The following ABCC5 variants were observed in gnomAD, a reference collection of about 807,000 sequenced individuals.
The protein encoded by ABCC5 is ATP-binding cassette sub-family C member 5.
A neutral mutation model predicts 160.9 loss-of-function variants in ABCC5; 61 were observed. The ratio of observed to expected loss-of-function variants is 0.38; its 90% confidence interval spans 0.31 to 0.47. The LOEUF (loss-of-function observed/expected upper bound fraction) is 0.47. ABCC5 is among the 20% of genes least tolerant of loss of function. The probability of loss-of-function intolerance (pLI) is 0.99; values close to 1 mark genes in which losing one functional copy is unlikely to be tolerated. For synonymous variants in ABCC5, 666 were observed against 700.6 expected (o/e 0.95, Z 0.78); for missense variants, 1,308 against 1,813.3 (o/e 0.72, Z 5.06).
chr3:184,004,808 G>A (rs530215473), intron 2 of ABCC5, among the ~76,000 whole-genome samples: 1 of 152,286 alleles, frequency 6.6e-6, no homozygotes, highest in African/African-American at 2.4e-5. Context: ...AAGTTAACAG[G>A]ATTCTTAAAA....
chr3:183,968,461 G>A (rs954436473), intron 11 of ABCC5, among the ~76,000 whole-genome samples: 2 of 151,992 alleles, frequency 1.3e-5, no homozygotes, highest in Non-Finnish European at 2.9e-5. Context: ...GAGAGGGCAG[G>A]ACTCTTAAAA....
intron 29 of ABCC5, among the ~76,000 whole-genome samples, chr3:183,922,549 G>A (rs1284620026): frequency 6.6e-6 from 1 of 152,212 alleles, no homozygotes; most frequent in Non-Finnish European, 1.5e-5. Flanking sequence ...GAAAAAGGAA[G>A]TCAGGGAGTG....
intron 12 of ABCC5, chr3:183,967,486 T>C: frequency 3.7e-6 from 2 of 542,762 alleles, no homozygotes; most frequent in Non-Finnish European, 6.7e-6. Flanking sequence ...CAGTCAGTCA[T>C]CCATCAGGCG....
At chr3:184,011,976 TCACA>T (rs1721782612) in intron 2 of ABCC5, among the ~76,000 whole-genome samples, 1 of 149,328 alleles carries the variant, frequency 6.7e-6, no homozygotes, top group Admixed American at 6.8e-5. Context: ...GTGGAAGCGG[TCACA>T]CAAATTTACA....
chr3:183,963,755 C>T lies in ABCC5; in HGVS notation c.2032-167G>A, dbSNP rs181254967. Among the ~76,000 whole-genome samples the T allele has an allele frequency of 3.6e-3, 546 of 152,036 alleles. 1 individual carries two copies. The highest frequency in any genetic ancestry group is 5.1e-3 in the Non-Finnish European group (350 of 68,028). Reference sequence around the variant, plus strand: ...CCGCAGATGAACTGCCATGCTGATCCTTCAACGAAGTGGGGGAGTTGGCCC... The same window carrying T: ...CCGCAGATGAACTGCCATGCTGATCTTTCAACGAAGTGGGGGAGTTGGCCC... On this transcript the variant is annotated intron_variant, in intron 14 of 29. Transcript: ENST00000334444. The surrounding 1 kb of genome is among the most constrained non-coding windows in gnomAD (Gnocchi z 4.6).
At chr3:183,934,455 C>A (rs73046522) in intron 26 of ABCC5, among the ~76,000 whole-genome samples, 174 of 152,332 alleles carry the variant, frequency 1.1e-3, no homozygotes, top group African/African-American at 4.0e-3. Context: ...AAAAATTTAA[C>A]TGAAATGATT....
intron 10 of ABCC5, among the ~76,000 whole-genome samples, chr3:183,974,122 C>T (rs905055856): frequency 2.0e-5 from 3 of 152,146 alleles, no homozygotes; most frequent in Non-Finnish European, 4.4e-5. Flanking sequence ...TTAGATATAA[C>T]ATAAACCTAT....
intron 29 of ABCC5, among the ~76,000 whole-genome samples, chr3:183,923,262 A>AT (rs1712183995): frequency 6.6e-6 from 1 of 152,098 alleles, no homozygotes; most frequent in South Asian, 2.1e-4. Flanking sequence ...TAAAGAGTGA[A>AT]TGGGCTCCCC....
intron 17 of ABCC5, among the ~76,000 whole-genome samples, chr3:183,958,459 T>C (rs1716428178): frequency 6.6e-6 from 1 of 152,204 alleles, no homozygotes; most frequent in South Asian, 2.1e-4. Context: ...CTGCCCGTGG[T>C]AAGAACTAAC....
intron 10 of ABCC5, 101 bp from the exon 11 acceptor site, chr3:183,972,020 T>C (rs1295753044): frequency 1.9e-6 from 3 of 1,591,366 alleles, no homozygotes; most frequent in Admixed American, 1.7e-5. Context: ...CATCAGGCTA[T>C]ACAGTGGAAG....
At chr3:183,930,381 G>A (rs577347348) in intron 26 of ABCC5, among the ~76,000 whole-genome samples, 15 of 152,320 alleles carry the variant, frequency 9.8e-5, no homozygotes, top group Middle Eastern at 3.4e-3. Context: ...GAACATGCTC[G>A]CTTCTCACTA....
At chr3:183,981,700 A>G (rs748247335) in intron 8 of ABCC5, 27 bp downstream of exon 8, 20 of 1,607,230 alleles carry the variant, frequency 1.2e-5, no homozygotes, top group Non-Finnish European at 1.7e-5. Context: ...CTTCTACCAC[A>G]TGCACATACA....
Position 183,988,580 on chromosome 3 carries a change from G to A in ABCC5, c.435C>T (p.Asn145=), listed in dbSNP as rs28365004. 2.2e-3 allele frequency: 3,472 copies of A among 1,613,456 alleles called. 12 individuals carry two copies. Among genetic ancestry groups the A allele is most frequent in the Non-Finnish European group, 2.8e-3 (3,280 of 1,179,806 alleles). The change falls in exon 4 of 30, where the codon AAC becomes AAT. Residue 145 remains asparagine, a synonymous_variant. Transcript: ENST00000334444. This position sits in a 1 kb window ranked among gnomAD's most constrained non-coding sequence, Gnocchi z 4.4. ...GGACCAGAGGCGCCTACCTTCTGCA[G>A]TTCACGTCAGAAGACTCGTGCTTGG... is the stretch of plus-strand genomic sequence containing the variant. The part of the protein sequence containing the change: ...SLSKHESSDV[N]CRRLERLWQE...
rs759170750 is a variant in ABCC5, at chr3:183,982,784, G to A, written c.815C>T (p.Ser272Phe). 1 of 1,614,150 alleles carries A rather than the reference G, an allele frequency of 6.2e-7. No homozygotes were observed. The highest frequency in any genetic ancestry group is 1.3e-5 in the African/African-American group (1 of 75,044). Residue 272 changes from serine (S) to phenylalanine (F), a missense_variant, in exon 6 of 30, where the codon TCC becomes TTC. Physicochemically the swap from Ser to Phe is radical, Grantham distance 155. Around this residue, in one of 3 missense-constraint regions of ABCC5, gnomAD observed 1,142 missense variants for 1,527.1 expected, o/e 0.75. Coordinates refer to ENST00000334444, the MANE Select transcript of ABCC5 (RefSeq NM_005688.4). The surrounding 1 kb of genome is among the most constrained non-coding windows in gnomAD (Gnocchi z 5.2). Reference sequence around the variant, plus strand: ...ACACCCCTCACTCACCTCACCCAGGGATTTCTCTTTAATGTTCTTTAACTT... The same window carrying A: ...ACACCCCTCACTCACCTCACCCAGGAATTTCTCTTTAATGTTCTTTAACTT... ...ILKLKNIKEK[S>F]LGELINICSN...
intron 3 of ABCC5, 67 bp downstream of exon 3, chr3:183,989,159 A>G: frequency 4.2e-5 from 2 of 48,044 alleles, no homozygotes; most frequent in South Asian, 5.0e-4. Context: ...CTCCATCTCA[A>G]AAAAAAAAAA....
At position 184,001,354 on chromosome 3, in the gene ABCC5, T is replaced by C. The variant is rs547016465; in HGVS notation, c.130-11971A>G. On this transcript the variant is annotated intron_variant, in intron 2 of 29. Coordinates refer to ENST00000334444, the MANE Select transcript of ABCC5 (RefSeq NM_005688.4). Reference sequence around the variant, plus strand: ...AACATATAATCAATGTGAAAAATTATTAGGTATTTTACAAACGAGGTATTT... The same window carrying C: ...AACATATAATCAATGTGAAAAATTACTAGGTATTTTACAAACGAGGTATTT... The C allele has an allele frequency of 1.7e-3, 768 of 439,908 alleles. 2 individuals carry two copies. The highest frequency in any genetic ancestry group is 2.4e-3 in the Non-Finnish European group (579 of 245,990). The allele number at this position is 439,908 out of a possible 1,614,324, so 27.3% of individuals were successfully genotyped here. A position where few individuals can be genotyped will look rare whatever the true frequency, so the allele number is the denominator to read the frequency against.
chr3:183,949,746 G>A lies in ABCC5; in HGVS notation c.3227+7C>T, dbSNP rs1301030496. ...CTTTGAGGCCTCTAGCCCCCATCAG[G>A]ACAAACCTGTGCAGAAACTCCTGCC... is the stretch of plus-strand genomic sequence containing the variant. On this transcript the variant is annotated splice_region_variant and intron_variant, in intron 22 of 29. Coordinates refer to ENST00000334444, the MANE Select transcript of ABCC5 (RefSeq NM_005688.4). This position sits in a 1 kb window ranked among gnomAD's most constrained non-coding sequence, Gnocchi z 4.2. 1 of 1,614,074 alleles carries A rather than the reference G, an allele frequency of 6.2e-7. No individual in the cohort carries two copies. The highest frequency in any genetic ancestry group is 2.2e-5 in the East Asian group (1 of 44,886).
chr3:183,941,711 G>A (rs1377129736), intron 25 of ABCC5, among the ~76,000 whole-genome samples: 1 of 152,234 alleles, frequency 6.6e-6, no homozygotes, highest in African/African-American at 2.4e-5. Flanking sequence ...GGGGCCGGGT[G>A]CGATGGCTCA....
At chr3:183,994,555 T>C (rs190291404) in intron 2 of ABCC5, among the ~76,000 whole-genome samples, 17 of 152,274 alleles carry the variant, frequency 1.1e-4, no homozygotes, top group African/African-American at 3.1e-4. Context: ...TTTCTATTTT[T>C]AGTAGAGACG....
Sources: allele counts gnomAD v4.1 joint callset (sites outside exome capture counted in the v4.1 genomes callset), GRCh38; gene constraint gnomAD v4.1.1; regional missense constraint gnomAD v4.1.1; non-coding constraint Gnocchi (gnomAD v3.1); transcripts MANE v1.5; gene names NCBI Gene and HGNC (gene_info 2026-07-23, HGNC 2026-07-21).